KLHDC3: variants seen among roughly 807,000 people sequenced by gnomAD.
KLHDC3 encodes kelch domain containing 3, also known as kelch domain-containing protein 3.
A neutral mutation model predicts 44.1 loss-of-function variants in KLHDC3; 5 were observed. The observed-to-expected ratio is 0.11, with a 90% CI of 0.06 to 0.24. KLHDC3 has a LOEUF of 0.24. Ranked by LOEUF, KLHDC3 falls within the 10% of genes least tolerant of loss-of-function variation. The pLI is 1.00. For missense variants in KLHDC3, 247 were observed against 514.3 expected, an observed-to-expected ratio of 0.48 and a Z score of 5.03; for synonymous variants, 170 against 189.0, an observed-to-expected ratio of 0.90 and a Z score of 0.82.
intron 1 of KLHDC3, chr6:43,016,407 A>G (rs1055151114): frequency 2.6e-5 from 4 of 152,384 alleles, no homozygotes; most frequent in African/African-American, 9.6e-5. Context: ...CCCAAGCCTA[A>G]GCATACACAT....
chr6:43,019,070 ATC>A lies in KLHDC3; in HGVS notation c.930-16_930-15del, dbSNP rs1342483182. ...CGTGGGTAGTTTTTGTCCTACTTTC[ATC>A]TCTCTTTTGATCCCGACAGTCCATC... On this transcript the variant is annotated intron_variant, in intron 8 of 10. Transcript: ENST00000326974. 1.9e-6 allele frequency: 3 copies of A among 1,605,882 alleles called. No individual in the cohort carries two copies. Among genetic ancestry groups the A allele is most frequent in the Non-Finnish European group, 1.7e-6 (2 of 1,172,792 alleles).
rs1215432786 is a variant in KLHDC3 at position 43,017,051 on chromosome 6, G to C, written c.-59-83G>C. The C allele has an allele frequency of 4.2e-6, 4 of 960,464 alleles. No homozygotes were observed. The highest frequency in any genetic ancestry group is 6.3e-6 in the Non-Finnish European group (4 of 638,200). 59.5% of individuals were successfully genotyped at this position (960,464 alleles called of 1,614,324 possible). A position where few individuals can be genotyped will look rare whatever the true frequency, so the allele number is the denominator to read the frequency against. On this transcript the variant is annotated intron_variant, in intron 1 of 10. Transcript: ENST00000326974. The surrounding 1 kb of genome is among the most constrained non-coding windows in gnomAD (Gnocchi z 6.0). ...GAGGGCCCCCAGGGTGACACTTGGA[G>C]GCAAAGGCTGGTTCTGGGCAGAGTC...
chr6:43,020,898 C>T lies in KLHDC3; in HGVS notation c.*165C>T, dbSNP rs1352757015. 4 of 683,824 alleles carry T rather than the reference C, an allele frequency of 5.8e-6. No homozygotes were observed. The highest frequency in any genetic ancestry group is 2.1e-5 in the Admixed American group (1 of 46,634). 42.4% of individuals were successfully genotyped at this position (683,824 alleles called of 1,614,324 possible). On this transcript the variant is annotated 3_prime_UTR_variant, in exon 11 of 11. Coordinates refer to ENST00000326974, the MANE Select transcript of KLHDC3 (RefSeq NM_057161.4). ...CTGTGAATTCAGTGGGGAGCTGTAG[C>T]GGGGTGGGGGCTAGGTTCCTCCCCC...
chr6:43,014,709 C>T, intron 1 of KLHDC3: 3 of 439,118 alleles, frequency 6.8e-6, no homozygotes, highest in South Asian at 4.8e-5. Flanking sequence ...AGAGGGGTAT[C>T]GTGGTCAGTG....
Position 43,021,197 on chromosome 6 carries a change from T to C in KLHDC3, c.*464T>C, listed in dbSNP as rs1289079908. 1 of 429,102 alleles carries C rather than the reference T, an allele frequency of 2.3e-6. No homozygotes were observed. Among genetic ancestry groups the C allele is most frequent in the Non-Finnish European group, 4.7e-6 (1 of 212,652 alleles). 26.6% of individuals were successfully genotyped at this position (429,102 alleles called of 1,614,324 possible). The stretch of plus-strand genomic sequence containing the variant: ...CCTCCTTCTCCCCGTCTTGGGGAGG[T>C]GGGGACCAGCAGATAAATCCCACCC... On this transcript the variant is annotated 3_prime_UTR_variant, in exon 11 of 11. Coordinates refer to ENST00000326974, the MANE Select transcript of KLHDC3 (RefSeq NM_057161.4).
In KLHDC3 at chr6:43,017,536, A is replaced by G; in HGVS notation, c.172A>G (p.Lys58Glu). 3 of 1,603,570 alleles carry G rather than the reference A, an allele frequency of 1.9e-6. No individual in the cohort carries two copies. Among genetic ancestry groups the G allele is most frequent in the Non-Finnish European group, 2.6e-6 (3 of 1,173,794 alleles). The change falls in exon 3 of 11, where the codon AAG becomes GAG. Residue 58 changes from lysine to glutamate, a missense_variant. This residue lies in a region of KLHDC3 where 71 missense variants were observed against 100.8 expected (regional missense o/e 0.70). Transcript: ENST00000326974. The surrounding 1 kb of genome is among the most constrained non-coding windows in gnomAD (Gnocchi z 6.0). Reference sequence around the variant, plus strand: ...GCCCACAGTGTCCTTGCGTTGGACAAAGCTGCCCCCGGTGAAGTCTGCCAT... The same window carrying G: ...GCCCACAGTGTCCTTGCGTTGGACAGAGCTGCCCCCGGTGAAGTCTGCCAT... Reference protein sequence around the residue: ...IFNAVSLRWTKLPPVKSAIRG... With the variant: ...IFNAVSLRWTELPPVKSAIRG...
chr6:43,020,982 C>T lies in KLHDC3; in HGVS notation c.*249C>T, dbSNP rs902356077. The T allele has an allele frequency of 6.3e-6, 4 of 632,126 alleles. No homozygotes were observed. The Admixed American group carries it at 8.4e-5, about 13-fold the overall frequency. The allele number at this position is 632,126 out of a possible 1,614,324, so 39.2% of individuals were successfully genotyped here. A position where few individuals can be genotyped will look rare whatever the true frequency, so the allele number is the denominator to read the frequency against. On this transcript the variant is annotated 3_prime_UTR_variant, in exon 11 of 11. Coordinates refer to ENST00000326974, the MANE Select transcript of KLHDC3 (RefSeq NM_057161.4). ...GTCCCCATCCACCTCCTTTCAGCTG[C>T]TCCTGGGCCTCAGCTCTGCCCAGGG...
At chr6:43,020,198 T>TG in intron 10 of KLHDC3, among the ~76,000 whole-genome samples, 1 of 151,616 alleles carries the variant, frequency 6.6e-6, no homozygotes, top group Middle Eastern at 3.4e-3. Context: ...TTAATATGGT[T>TG]GGGTGGGTGG....
In KLHDC3 at chr6:43,018,228, C is replaced by G; in HGVS notation, c.519+12C>G. 1.3e-6 allele frequency: 2 copies of G among 1,598,262 alleles called. No homozygotes were observed. Among genetic ancestry groups the G allele is most frequent in the Non-Finnish European group, 1.7e-6 (2 of 1,165,978 alleles). On this transcript the variant is annotated intron_variant, in intron 5 of 10. Coordinates refer to ENST00000326974, the MANE Select transcript of KLHDC3 (RefSeq NM_057161.4). This position sits in a 1 kb window ranked among gnomAD's most constrained non-coding sequence, Gnocchi z 6.0. ...TTATCTGTACAAAGGTCTGCTCTTTCTTTTTTTTCCCAAATCCCCACCCTC... is the reference window on the plus strand; with the variant it reads ...TTATCTGTACAAAGGTCTGCTCTTTGTTTTTTTTCCCAAATCCCCACCCTC...
Position 43,018,800 on chromosome 6 carries a change from A to C in KLHDC3, c.821-63A>C. 2 of 1,540,576 alleles carry C rather than the reference A, an allele frequency of 1.3e-6. No homozygotes were observed. The highest frequency in any genetic ancestry group is 1.8e-6 in the Non-Finnish European group (2 of 1,113,014). ...GAAAATAATCCTGAGGCGGTGAGGG[A>C]TGGGGGTGGGGAAGATACCTGGACT... On this transcript the variant is annotated intron_variant, in intron 7 of 10. Coordinates refer to ENST00000326974, the MANE Select transcript of KLHDC3 (RefSeq NM_057161.4). This position sits in a 1 kb window ranked among gnomAD's most constrained non-coding sequence, Gnocchi z 6.0.
intron 10 of KLHDC3, among the ~76,000 whole-genome samples, chr6:43,020,029 A>G (rs1472760114): frequency 6.6e-6 from 1 of 152,106 alleles, no homozygotes; most frequent in African/African-American, 2.4e-5. Context: ...TACAAAAATT[A>G]GCTGGGCATA....
rs1245510318 is a variant in KLHDC3, at chr6:43,018,319, C to T, written c.520-24C>T. 6.2e-7 allele frequency: 1 copy of T among 1,606,676 alleles called. No individual in the cohort carries two copies. Among genetic ancestry groups the T allele is most frequent in the South Asian group, 1.1e-5 (1 of 90,966 alleles). ...CTTCCAGTCTTTGTGCTGACCCCTC[C>T]ACCATCTCTCTGCCTCTGCCCAGGG... On this transcript the variant is annotated intron_variant, in intron 5 of 10. Coordinates refer to ENST00000326974, the MANE Select transcript of KLHDC3 (RefSeq NM_057161.4). The surrounding 1 kb of genome is among the most constrained non-coding windows in gnomAD (Gnocchi z 6.0).
rs114541543 is a variant in KLHDC3, at chr6:43,021,289, T to A, written c.*556T>A. On this transcript the variant is annotated 3_prime_UTR_variant, in exon 11 of 11. Coordinates refer to ENST00000326974, the MANE Select transcript of KLHDC3 (RefSeq NM_057161.4). ...GATTTTATAAAAATTAATTAAAATC[T>A]CCAAACGTGTTGTGTGTTTTTGTGG... 4.3e-3 allele frequency: 1,623 copies of A among 379,268 alleles called. 34 individuals carry two copies. The highest frequency in any genetic ancestry group is 0.031 in the African/African-American group (1,480 of 47,662). The allele number at this position is 379,268 out of a possible 1,614,324, so 23.5% of individuals were successfully genotyped here. A position where few individuals can be genotyped will look rare whatever the true frequency, so the allele number is the denominator to read the frequency against.
chr6:43,016,913 C>T, intron 1 of KLHDC3: 1 of 466,446 alleles, frequency 2.1e-6, no homozygotes, highest in African/African-American at 1.9e-5. Flanking sequence ...GTGGCCCCAC[C>T]CTTCACTGTT....
chr6:43,020,130 T>G (rs955350484), intron 10 of KLHDC3, among the ~76,000 whole-genome samples: 11 of 152,030 alleles, frequency 7.2e-5, no homozygotes, highest in African/African-American at 2.4e-4. Context: ...GAGTCAAGAT[T>G]GTGCCACTGC....
chr6:43,017,256 G>A lies in KLHDC3; in HGVS notation c.64G>A (p.Val22Ile), dbSNP rs1034683747. ...PRRVNHAAVA[V>I]GHRVYSFGGY... ...CAGGGTGAACCATGCTGCAGTGGCT[G>A]TCGGGCATCGGGTATACTCCTTCGG... The change falls in exon 2 of 11, where the codon GTC (valine) becomes ATC (isoleucine). Residue 22 changes from valine to isoleucine, a missense_variant. Coordinates refer to ENST00000326974, the MANE Select transcript of KLHDC3 (RefSeq NM_057161.4). This position sits in a 1 kb window ranked among gnomAD's most constrained non-coding sequence, Gnocchi z 6.0. 6.2e-7 allele frequency: 1 copy of A among 1,614,088 alleles called. No homozygotes were observed. Among genetic ancestry groups the A allele is most frequent in the Non-Finnish European group, 8.5e-7 (1 of 1,180,042 alleles).
rs556527338 is a variant in KLHDC3 at position 43,017,047 on chromosome 6, T to C, written c.-59-87T>C. On this transcript the variant is annotated intron_variant, in intron 1 of 10. Coordinates refer to ENST00000326974, the MANE Select transcript of KLHDC3 (RefSeq NM_057161.4). This position sits in a 1 kb window ranked among gnomAD's most constrained non-coding sequence, Gnocchi z 6.0. ...GTGGGAGGGCCCCCAGGGTGACACTTGGAGGCAAAGGCTGGTTCTGGGCAG... is the reference window on the plus strand; with the variant it reads ...GTGGGAGGGCCCCCAGGGTGACACTCGGAGGCAAAGGCTGGTTCTGGGCAG... 2.2e-6 allele frequency: 2 copies of C among 921,798 alleles called. No individual in the cohort carries two copies. The highest frequency in any genetic ancestry group is 3.3e-5 in the African/African-American group (2 of 60,780). 57.1% of individuals were successfully genotyped at this position (921,798 alleles called of 1,614,324 possible).
Position 43,017,107 on chromosome 6 carries a change from G to A in KLHDC3, c.-59-27G>A, listed in dbSNP as rs1762596885. ...GAGCTGGGCAGAAGCCTCGCCTGAG[G>A]ATCCCGTGGCCCCAATTTGTGTGCA... On this transcript the variant is annotated intron_variant, in intron 1 of 10. Coordinates refer to ENST00000326974, the MANE Select transcript of KLHDC3 (RefSeq NM_057161.4). The surrounding 1 kb of genome is among the most constrained non-coding windows in gnomAD (Gnocchi z 6.0). 1 of 1,480,112 alleles carries A rather than the reference G, an allele frequency of 6.8e-7. No individual in the cohort carries two copies. The highest frequency in any genetic ancestry group is 1.8e-5 in the Admixed American group (1 of 55,472). The allele number at this position is 1,480,112 out of a possible 1,614,324, so 91.7% of individuals were successfully genotyped here. A position where few individuals can be genotyped will look rare whatever the true frequency, so the allele number is the denominator to read the frequency against.
In KLHDC3 at chr6:43,017,363, G is replaced by T. The variant is rs1016454280; in HGVS notation, c.154+17G>T. On this transcript the variant is annotated intron_variant, in intron 2 of 10. Coordinates refer to ENST00000326974, the MANE Select transcript of KLHDC3 (RefSeq NM_057161.4). This position sits in a 1 kb window ranked among gnomAD's most constrained non-coding sequence, Gnocchi z 6.0. ...TCAATGCAGGTAAGCCAATGCTGGGGCTGTCCCTGGGTCCCCACATCAGGG... is the reference window on the plus strand; with the variant it reads ...TCAATGCAGGTAAGCCAATGCTGGGTCTGTCCCTGGGTCCCCACATCAGGG... 1 of 1,604,782 alleles carries T rather than the reference G, an allele frequency of 6.2e-7. No individual in the cohort carries two copies. Among genetic ancestry groups the T allele is most frequent in the African/African-American group, 1.3e-5 (1 of 74,846 alleles).
Sources: gnomAD v4.1 joint callset for allele counts (sites outside exome capture counted in the v4.1 genomes callset) on GRCh38, gnomAD v4.1.1 for gene constraint, gnomAD v4.1.1 regional missense constraint, Gnocchi (gnomAD v3.1) non-coding constraint, MANE v1.5 for transcripts, NCBI Gene and HGNC (gene_info 2026-07-23, HGNC 2026-07-21) for gene names.